The following ST8SIA6 variants were observed in gnomAD, a reference collection of about 807,000 sequenced individuals.
ST8SIA6 encodes ST8 alpha-N-acetyl-neuraminide alpha-2,8-sialyltransferase 6.
ST8SIA6 carries 39 observed loss-of-function variants against 33.6 expected under a neutral mutation model. The observed-to-expected ratio is 1.16, with a 90% CI of 0.90 to 1.52. ST8SIA6 has a LOEUF of 1.52. Among genes scored for constraint, ST8SIA6 ranks in the 40% most tolerant of loss-of-function variants. The pLI is 0.00. For synonymous variants in ST8SIA6, 172 were observed against 167.2 expected, an observed-to-expected ratio of 1.03 and a Z score of -0.22; for missense variants, 441 against 443.8, an observed-to-expected ratio of 0.99 and a Z score of 0.06.
At position 17,347,835 on chromosome 10, in the gene ST8SIA6, T is replaced by G. The variant is rs374290585; in HGVS notation, c.377+11679A>C. Among the ~76,000 whole-genome samples, 12 of 143,324 alleles carry G rather than the reference T, an allele frequency of 8.4e-5. No individual in the cohort carries two copies. In the South Asian group the frequency reaches 2.3e-3, roughly 28 times the overall value. 94.0% of individuals were successfully genotyped at this position (143,324 alleles called of 152,430 possible). A position where few individuals can be genotyped will look rare whatever the true frequency, so the allele number is the denominator to read the frequency against. ...CTGTAGTCCCAGCTACTTGGGAGGC[T>G]GAGGCAGGAGAATCGGAGGCTGAGG... On this transcript the variant is annotated intron_variant, in intron 4 of 7. Transcript: ENST00000377602.
At chr10:17,329,187 T>C (rs866487136) in intron 5 of ST8SIA6, among the ~76,000 whole-genome samples, 39 of 152,330 alleles carry the variant, frequency 2.6e-4, no homozygotes, top group Middle Eastern at 6.8e-3. Context: ...TTGCACTTTT[T>C]ATGCAAGAGG....
chr10:17,406,042 C>G (rs767232019), intron 2 of ST8SIA6, among the ~76,000 whole-genome samples: 4 of 151,942 alleles, frequency 2.6e-5, no homozygotes, highest in Non-Finnish European at 5.9e-5. Flanking sequence ...GAGTGGAGAC[C>G]CTGCTTAATA....
chr10:17,422,146 A>G (rs1191548962), intron 2 of ST8SIA6, among the ~76,000 whole-genome samples: 1 of 152,216 alleles, frequency 6.6e-6, no homozygotes, highest in Non-Finnish European at 1.5e-5. Flanking sequence ...CTTTAAGCCA[A>G]TAGAAACAGT....
intron 2 of ST8SIA6, among the ~76,000 whole-genome samples, chr10:17,400,290 T>G (rs942385084): frequency 2.0e-5 from 3 of 152,182 alleles, no homozygotes; most frequent in Non-Finnish European, 4.4e-5. Flanking sequence ...CCCAGCACTT[T>G]GGGAGGCCGA....
intron 4 of ST8SIA6, among the ~76,000 whole-genome samples, chr10:17,343,334 G>T (rs1441228354): frequency 6.6e-6 from 1 of 152,176 alleles, no homozygotes; most frequent in Non-Finnish European, 1.5e-5. Flanking sequence ...TCAATAGACG[G>T]TTGTGCAAGC....
chr10:17,367,324 G>C (rs891297004), intron 3 of ST8SIA6, among the ~76,000 whole-genome samples: 10 of 152,142 alleles, frequency 6.6e-5, no homozygotes, highest in African/African-American at 2.4e-4. Context: ...AATATGTGCA[G>C]GGGAACTGCC....
rs1269188765 is a variant in ST8SIA6 at position 17,396,474 on chromosome 10, C to T, written c.201-5854G>A. Among the ~76,000 whole-genome samples the T allele has an allele frequency of 2.0e-5, 3 of 152,332 alleles. No individual in the cohort carries two copies. In the East Asian group the frequency reaches 5.8e-4, roughly 29 times the overall value. ...TGCCTATTCTCTGGACTCCTAACTT[C>T]TCATTTAACTGTGCTCCTTTTTCAG... is the stretch of plus-strand genomic sequence containing the variant. On this transcript the variant is annotated intron_variant, in intron 2 of 7. Transcript: ENST00000377602.
intron 4 of ST8SIA6, among the ~76,000 whole-genome samples, chr10:17,334,518 G>A (rs1244917613): frequency 2.1e-5 from 3 of 146,310 alleles, no homozygotes; most frequent in East Asian, 4.0e-4. Context: ...CAGCCTGGGC[G>A]ACAGAGCGAG....
chr10:17,411,985 G>A (rs951975756), intron 2 of ST8SIA6, among the ~76,000 whole-genome samples: 3 of 151,702 alleles, frequency 2.0e-5, no homozygotes, highest in Admixed American at 6.6e-5. Flanking sequence ...AGAGAGCCAT[G>A]GCCAGCCTGT....
Position 17,317,226 on chromosome 10 carries a change from G to T in ST8SIA6, c.*3652C>A, listed in dbSNP as rs1281859955. 6.6e-6 allele frequency among the ~76,000 whole-genome samples: 1 copy of T among 152,044 alleles called. No individual in the cohort carries two copies. Among genetic ancestry groups the T allele is most frequent in the Admixed American group, 6.6e-5 (1 of 15,258 alleles). On this transcript the variant is annotated 3_prime_UTR_variant, in exon 8 of 8. Transcript: ENST00000377602. ...GCCCTGTCTCCATTACATAAGTAGC[G>T]CATCTTTATCATATATCACCCACAT...
chr10:17,357,573 G>A (rs983407903), intron 4 of ST8SIA6, among the ~76,000 whole-genome samples: 3 of 152,020 alleles, frequency 2.0e-5, no homozygotes, highest in African/African-American at 7.2e-5. Flanking sequence ...TTTTGTATTC[G>A]GCAAGTTCTT....
chr10:17,350,869 A>C (rs558476166), intron 4 of ST8SIA6, among the ~76,000 whole-genome samples: 1 of 152,260 alleles, frequency 6.6e-6, no homozygotes, highest in East Asian at 1.9e-4. Flanking sequence ...GTAGAGTTTG[A>C]TCTTCAAACT....
chr10:17,364,262 A>T (rs10795479), intron 3 of ST8SIA6, among the ~76,000 whole-genome samples: 25,780 of 152,156 alleles, frequency 0.17, 2,529 homozygotes, highest in East Asian at 0.5. Context: ...TATATGTTGT[A>T]GCTGGTTCCA....
At chr10:17,435,108 C>T (rs1273709536) in intron 2 of ST8SIA6, among the ~76,000 whole-genome samples, 2 of 152,186 alleles carry the variant, frequency 1.3e-5, no homozygotes, top group Admixed American at 1.3e-4. Context: ...TTCTGCATTC[C>T]TTGTTGCTGC....
At chr10:17,435,505 A>T (rs1362625858) in intron 2 of ST8SIA6, among the ~76,000 whole-genome samples, 1 of 152,182 alleles carries the variant, frequency 6.6e-6, no homozygotes, top group African/African-American at 2.4e-5. Context: ...TCTACATAAT[A>T]ACATTGTGGT....
chr10:17,383,744 A>G (rs1850242302), intron 3 of ST8SIA6, among the ~76,000 whole-genome samples: 1 of 152,230 alleles, frequency 6.6e-6, no homozygotes, highest in Admixed American at 6.5e-5. Context: ...GAGAGCTAAA[A>G]TATTCATGAG....
Position 17,317,663 on chromosome 10 carries a change from T to C in ST8SIA6, c.*3215A>G, listed in dbSNP as rs1368994712. Among the ~76,000 whole-genome samples, 1 of 152,200 alleles carries C rather than the reference T, an allele frequency of 6.6e-6. No homozygotes were observed. The highest frequency in any genetic ancestry group is 2.4e-5 in the African/African-American group (1 of 41,454). ...ACTTTTCCCAAAGCTTCCTAATTCA[T>C]GGAGTGATTTACGGTACTTGACATT... On this transcript the variant is annotated 3_prime_UTR_variant, in exon 8 of 8. Coordinates refer to ENST00000377602, the MANE Select transcript of ST8SIA6 (RefSeq NM_001004470.3).
chr10:17,445,767 G>A (rs1442713784), intron 2 of ST8SIA6, among the ~76,000 whole-genome samples: 1 of 152,190 alleles, frequency 6.6e-6, no homozygotes. Flanking sequence ...AACGGGAAAG[G>A]GAGTGAATTG....
intron 4 of ST8SIA6, among the ~76,000 whole-genome samples, chr10:17,354,899 A>T (rs574034691): frequency 3.9e-5 from 6 of 152,178 alleles, no homozygotes; most frequent in Non-Finnish European, 8.8e-5. Context: ...TGGACTTCAG[A>T]TTAAGAATCT....
Sources: allele counts gnomAD v4.1 joint callset (sites outside exome capture counted in the v4.1 genomes callset), GRCh38; gene constraint gnomAD v4.1.1; transcripts MANE v1.5; gene names NCBI Gene and HGNC (gene_info 2026-07-23, HGNC 2026-07-21).